Variants in ANKH observed in about 807,000 individuals in gnomAD.
ANKH encodes the protein mineralization regulator ANKH.
In ANKH, 15 loss-of-function variants were observed where a neutral mutation model predicts 49.0. That is an observed-to-expected ratio of 0.31 (90% confidence interval 0.20 to 0.47). The LOEUF is 0.47. Ranked by LOEUF, ANKH falls within the 20% of genes least tolerant of loss-of-function variation. The pLI, the probability that ANKH is intolerant of heterozygous loss-of-function variation, is 1.00. For synonymous variants in ANKH, 273 were observed against 260.0 expected, an observed-to-expected ratio of 1.05 and a Z score of -0.48; for missense variants, 429 against 652.0, an observed-to-expected ratio of 0.66 and a Z score of 3.72.
intron 1 of ANKH, among the ~76,000 whole-genome samples, chr5:14,806,022 A>G (rs1469621531): frequency 6.6e-6 from 1 of 152,206 alleles, no homozygotes; most frequent in African/African-American, 2.4e-5. Flanking sequence ...AGATAGGAAG[A>G]CAAGATAACT....
intron 1 of ANKH, among the ~76,000 whole-genome samples, chr5:14,817,056 G>T (rs964856821): frequency 6.6e-6 from 1 of 152,190 alleles, no homozygotes; most frequent in Non-Finnish European, 1.5e-5. Context: ...ACTGAATAAA[G>T]TGCTTCAATT....
intron 1 of ANKH, among the ~76,000 whole-genome samples, chr5:14,855,170 G>C (rs1742220825): frequency 6.6e-6 from 1 of 152,136 alleles, no homozygotes; most frequent in African/African-American, 2.4e-5. Context: ...ATTCTCTTTA[G>C]GCCTCAGCTG....
At chr5:14,848,251 C>T (rs1430512125) in intron 1 of ANKH, among the ~76,000 whole-genome samples, 1 of 152,186 alleles carries the variant, frequency 6.6e-6, no homozygotes, top group African/African-American at 2.4e-5. Context: ...CACACCCAAC[C>T]AATCAGGTAG....
chr5:14,853,769 T>A (rs750856179), intron 1 of ANKH, among the ~76,000 whole-genome samples: 3 of 152,102 alleles, frequency 2.0e-5, no homozygotes, highest in Non-Finnish European at 4.4e-5. Context: ...GAATCACAAC[T>A]AGATGGTAAA....
At chr5:14,771,208 C>T (rs1656798421) in intron 1 of ANKH, among the ~76,000 whole-genome samples, 1 of 152,212 alleles carries the variant, frequency 6.6e-6, no homozygotes, top group African/African-American at 2.4e-5. Context: ...ATATAAGAAT[C>T]ATACTACATT....
chr5:14,752,666 G>A (rs1052542920), intron 4 of ANKH, among the ~76,000 whole-genome samples: 1 of 152,134 alleles, frequency 6.6e-6, no homozygotes, highest in African/African-American at 2.4e-5. Context: ...GGAAAAACAA[G>A]CTGAAACATG....
intron 7 of ANKH, 105 bp from the exon 8 acceptor site, chr5:14,742,027 G>T: frequency 1.2e-6 from 1 of 863,736 alleles, no homozygotes; most frequent in Non-Finnish European, 1.9e-6. Context: ...TGATGTGTCT[G>T]AATTAGAGGT....
At chr5:14,824,400 G>A (rs1197266372) in intron 1 of ANKH, among the ~76,000 whole-genome samples, 5 of 152,078 alleles carry the variant, frequency 3.3e-5, no homozygotes, top group Admixed American at 6.6e-5. Context: ...ATATAAAAAA[G>A]CGGTTTCTTT....
chr5:14,734,930 A>G (rs1017955872), intron 8 of ANKH, among the ~76,000 whole-genome samples: 5 of 152,252 alleles, frequency 3.3e-5, no homozygotes, highest in African/African-American at 1.2e-4. Flanking sequence ...ATAAAATTCT[A>G]GCAACTTATT....
At chr5:14,871,085 C>T in intron 1 of ANKH, 1 of 591,754 alleles carries the variant, frequency 1.7e-6, no homozygotes, top group South Asian at 1.5e-5. Context: ...TACTGCCGTG[C>T]ACTAAAAACC....
chr5:14,818,534 C>T (rs889057478), intron 1 of ANKH, among the ~76,000 whole-genome samples: 16 of 149,310 alleles, frequency 1.1e-4, no homozygotes, highest in Non-Finnish European at 1.9e-4. Flanking sequence ...CTTAGCTACT[C>T]GGGAGGCTAA....
chr5:14,748,479 C>T (rs1403541656), intron 6 of ANKH, among the ~76,000 whole-genome samples: 1 of 152,218 alleles, frequency 6.6e-6, no homozygotes, highest in Non-Finnish European at 1.5e-5. Context: ...GGAATTAATT[C>T]TCCAGAGGGC....
intron 2 of ANKH, among the ~76,000 whole-genome samples, chr5:14,765,000 C>T (rs1164353377): frequency 1.3e-5 from 2 of 152,208 alleles, no homozygotes; most frequent in East Asian, 1.9e-4. Context: ...CTAATTTCCA[C>T]GCACGTGAAA....
At chr5:14,766,352 C>T (rs1360452609) in intron 2 of ANKH, among the ~76,000 whole-genome samples, 1 of 152,170 alleles carries the variant, frequency 6.6e-6, no homozygotes, top group African/African-American at 2.4e-5. Flanking sequence ...GTTGTGATCA[C>T]ACCACTGCAC....
At chr5:14,816,988 A>T (rs1166881868) in intron 1 of ANKH, among the ~76,000 whole-genome samples, 1 of 152,242 alleles carries the variant, frequency 6.6e-6, no homozygotes, top group Non-Finnish European at 1.5e-5. Flanking sequence ...AAATTAAAAA[A>T]TAACATAATC....
chr5:14,730,668 G>A (rs925944792), intron 8 of ANKH, among the ~76,000 whole-genome samples: 1 of 152,332 alleles, frequency 6.6e-6, no homozygotes, highest in African/African-American at 2.4e-5. Context: ...TTGCAGCCTG[G>A]AGGATGGGGC....
intron 1 of ANKH, among the ~76,000 whole-genome samples, chr5:14,779,645 A>C (rs1739744530): frequency 6.6e-6 from 1 of 152,254 alleles, no homozygotes; most frequent in Non-Finnish European, 1.5e-5. Flanking sequence ...GTCATTCATA[A>C]ATAAAATCTT....
chr5:14,761,194 G>C (rs67691962), intron 2 of ANKH, among the ~76,000 whole-genome samples: 42,652 of 152,014 alleles, frequency 0.28, 6,478 homozygotes, highest in African/African-American at 0.38. Flanking sequence ...ATATCTCTCA[G>C]AAGGAACCGC....
At chr5:14,767,111 G>A (rs1739281082) in intron 2 of ANKH, among the ~76,000 whole-genome samples, 3 of 152,174 alleles carry the variant, frequency 2.0e-5, no homozygotes. Flanking sequence ...GCTGGGGGGT[G>A]GAGAGAGAGC....
Sources: allele counts gnomAD v4.1 joint callset (sites outside exome capture counted in the v4.1 genomes callset), GRCh38; gene constraint gnomAD v4.1.1; transcripts MANE v1.5; gene names NCBI Gene and HGNC (gene_info 2026-07-23, HGNC 2026-07-21).